Variants in NBDY observed in about 807,000 individuals in gnomAD.
NBDY encodes negative regulator of P-body association, also known as P-body dissociating protein.
At chrX:56,758,145 C>A (rs1015085735) in intron 2 of NBDY, among the ~76,000 whole-genome samples, 15 of 109,979 alleles carry the variant, frequency 1.4e-4, no homozygotes, top group Admixed American at 1.3e-3. Flanking sequence ...ACCAGCCTGG[C>A]AAATATGGTG....
At chrX:56,767,638 C>G (rs2069674229) in intron 2 of NBDY, among the ~76,000 whole-genome samples, 1 of 113,504 alleles carries the variant, frequency 8.8e-6, no homozygotes. Flanking sequence ...GCAACTGGGC[C>G]AGCAGCTACT....
At chrX:56,788,909 C>T (rs1166163894) in intron 2 of NBDY, among the ~76,000 whole-genome samples, 2 of 112,258 alleles carry the variant, frequency 1.8e-5, no homozygotes, top group Non-Finnish European at 3.8e-5. Context: ...GCTCTAAACC[C>T]CAGTTGGGGA....
intron 2 of NBDY, among the ~76,000 whole-genome samples, chrX:56,749,073 G>T (rs2069570910): frequency 9.1e-6 from 1 of 109,333 alleles, no homozygotes; most frequent in Non-Finnish European, 1.9e-5. Flanking sequence ...GTTAGAGAGG[G>T]TGCAGTGACA....
intron 2 of NBDY, among the ~76,000 whole-genome samples, chrX:56,781,144 C>T (rs989632220): frequency 9.9e-5 from 11 of 111,330 alleles, no homozygotes; most frequent in African/African-American, 3.6e-4. Context: ...ACATCAATCA[C>T]GTCTGAACTA....
chrX:56,739,236 G>GTATATATATATA (rs67727538), intron 2 of NBDY, among the ~76,000 whole-genome samples: 2,867 of 57,538 alleles, frequency 0.05, 117 homozygotes, highest in East Asian at 0.08. Flanking sequence ...GTGTTTGTGT[G>GTATATATATATA]TGTATATATA....
intron 2 of NBDY, among the ~76,000 whole-genome samples, chrX:56,810,674 T>G (rs1452708773): frequency 9.0e-6 from 1 of 110,716 alleles, no homozygotes; most frequent in Non-Finnish European, 1.9e-5. Context: ...GGTTCTTAGC[T>G]TCCTTGCATT....
chrX:56,810,694 C>T (rs776137911), intron 2 of NBDY, among the ~76,000 whole-genome samples: 11 of 110,648 alleles, frequency 9.9e-5, no homozygotes, highest in Non-Finnish European at 2.1e-4. Context: ...TGGGTTAGAA[C>T]ATGTTCCTTT....
chrX:56,789,443 G>C (rs1217792493), intron 2 of NBDY, among the ~76,000 whole-genome samples: 2 of 112,243 alleles, frequency 1.8e-5, no homozygotes, highest in Admixed American at 1.9e-4. Flanking sequence ...GATTCCTCTA[G>C]GAATTGGCCC....
chrX:56,805,254 A>C (rs977352525), intron 2 of NBDY, among the ~76,000 whole-genome samples: 1 of 112,827 alleles, frequency 8.9e-6, no homozygotes, highest in Non-Finnish European at 1.9e-5. Flanking sequence ...GAAGAAAGGA[A>C]TGCAGGAAGA....
At chrX:56,742,782 G>A (rs1313110897) in intron 2 of NBDY, among the ~76,000 whole-genome samples, 2 of 111,396 alleles carry the variant, frequency 1.8e-5, no homozygotes, top group African/African-American at 6.5e-5. Flanking sequence ...ACGGTAATTT[G>A]ACTTCTTCCT....
At chrX:56,759,603 C>T (rs1453769203) in intron 2 of NBDY, among the ~76,000 whole-genome samples, 1 of 110,875 alleles carries the variant, frequency 9.0e-6, no homozygotes, top group East Asian at 2.8e-4. Flanking sequence ...AGCCCTACTG[C>T]CATCAAGCAG....
chrX:56,754,098 C>A (rs1307714132), intron 2 of NBDY, among the ~76,000 whole-genome samples: 1 of 110,801 alleles, frequency 9.0e-6, no homozygotes, highest in Admixed American at 9.6e-5. Context: ...AGAGGAATAG[C>A]TGAAGAGAGA....
rs775223419 is a variant in NBDY, at chrX:56,784,821, G to GAT, written c.*167-32498_*167-32497insTA. 4.5e-5 allele frequency among the ~76,000 whole-genome samples: 5 copies of GAT among 112,061 alleles called. No homozygotes were observed. The South Asian group carries it at 1.9e-3, about 42-fold the overall frequency. On this transcript the variant is annotated intron_variant, in intron 2 of 2. Transcript: ENST00000374922. ...CTTTAGGGTTTCCAGGCAGACGTAA[G>GAT]AAATCCTGACGCGGGCCATCATACA...
At chrX:56,759,921 C>T (rs1276519088) in intron 2 of NBDY, among the ~76,000 whole-genome samples, 1 of 112,208 alleles carries the variant, frequency 8.9e-6, no homozygotes, top group South Asian at 3.7e-4. Flanking sequence ...ACCCCTTGGC[C>T]CCAGCTTGGA....
chrX:56,753,184 C>G (rs755760802), intron 2 of NBDY, among the ~76,000 whole-genome samples: 17 of 112,316 alleles, frequency 1.5e-4, no homozygotes, highest in Non-Finnish European at 3.0e-4. Context: ...GATTACTAAA[C>G]CATGCACCTG....
At chrX:56,795,644 C>T (rs2069787926) in intron 2 of NBDY, among the ~76,000 whole-genome samples, 1 of 112,295 alleles carries the variant, frequency 8.9e-6, no homozygotes, top group African/African-American at 3.2e-5. Flanking sequence ...GAACCACTCT[C>T]ACAAGAGGAA....
intron 2 of NBDY, among the ~76,000 whole-genome samples, chrX:56,793,985 G>A (rs952957541): frequency 3.6e-5 from 4 of 112,178 alleles, no homozygotes; most frequent in African/African-American, 1.3e-4. Context: ...AGAGACCAGG[G>A]TAAACAGCCC....
intron 2 of NBDY, among the ~76,000 whole-genome samples, chrX:56,733,967 T>C (rs914750488): frequency 9.8e-5 from 11 of 112,678 alleles, no homozygotes; most frequent in South Asian, 3.6e-4. Flanking sequence ...TTTGGCCTAG[T>C]TTTTATTCTT....
At chrX:56,797,212 C>T (rs2069796919) in intron 2 of NBDY, among the ~76,000 whole-genome samples, 1 of 105,964 alleles carries the variant, frequency 9.4e-6, no homozygotes, top group South Asian at 4.5e-4. Flanking sequence ...TTTTCCTCCT[C>T]CTTCTCCTTC....
Sources: allele counts gnomAD v4.1 joint callset (sites outside exome capture counted in the v4.1 genomes callset), GRCh38; gene constraint gnomAD v4.1.1; transcripts MANE v1.5; gene names NCBI Gene and HGNC (gene_info 2026-07-23, HGNC 2026-07-21).